The following CTNND2 variants were observed in gnomAD, a reference collection of about 807,000 sequenced individuals.
CTNND2 encodes the protein catenin delta 2.
CTNND2 carries 22 observed loss-of-function variants against 144.4 expected under a neutral mutation model. The observed-to-expected ratio is 0.15, with a 90% CI of 0.11 to 0.22. CTNND2 has a LOEUF of 0.22. CTNND2 is among the 10% of genes least tolerant of loss of function. The probability of loss-of-function intolerance (pLI) is 1.00; values close to 1 mark genes in which losing one functional copy is unlikely to be tolerated. For synonymous variants in CTNND2, 751 were observed against 695.6 expected, an observed-to-expected ratio of 1.08 and a Z score of -1.25; for missense variants, 1,353 against 1,618.8, an observed-to-expected ratio of 0.84 and a Z score of 2.82.
At position 11,821,461 on chromosome 5, in the gene CTNND2, C is replaced by A. The variant is rs58981828; in HGVS notation, c.37+82356G>T. ...GGGAGAATTCTTTCAACATTTCTGT[C>A]GCTTTAAGGGTTTCATAATAAAATG... On this transcript the variant is annotated intron_variant, in intron 1 of 21. Transcript: ENST00000304623. Among the ~76,000 whole-genome samples, 1,350 of 151,990 alleles carry A rather than the reference C, an allele frequency of 8.9e-3. 14 individuals are homozygous for A. Among genetic ancestry groups the A allele is most frequent in the African/African-American group, 0.031 (1,268 of 41,470 alleles).
intron 3 of CTNND2, among the ~76,000 whole-genome samples, chr5:11,461,500 G>A (rs141606625): frequency 3.7e-4 from 56 of 152,322 alleles, no homozygotes; most frequent in African/African-American, 1.3e-3. Flanking sequence ...AACTAGTAGA[G>A]TTTCATGAAC....
intron 1 of CTNND2, among the ~76,000 whole-genome samples, chr5:11,798,465 T>C (rs1040243418): frequency 2.0e-5 from 3 of 151,930 alleles, no homozygotes; most frequent in African/African-American, 7.2e-5. Flanking sequence ...TTAATGTCAT[T>C]TTCTACAAAA....
chr5:11,354,772 C>T (rs990884759), intron 8 of CTNND2, among the ~76,000 whole-genome samples: 24 of 152,286 alleles, frequency 1.6e-4, no homozygotes, highest in Non-Finnish European at 2.2e-4. Flanking sequence ...ATTTATAGAA[C>T]ATTCCATCCA....
chr5:10,982,977 G>C (rs894903828), intron 20 of CTNND2, among the ~76,000 whole-genome samples: 4 of 152,236 alleles, frequency 2.6e-5, no homozygotes, highest in African/African-American at 9.6e-5. Context: ...AAGATGGACA[G>C]TAGAATGATG....
intron 9 of CTNND2, among the ~76,000 whole-genome samples, chr5:11,287,010 T>G (rs953666777): frequency 6.6e-6 from 1 of 152,146 alleles, no homozygotes; most frequent in Non-Finnish European, 1.5e-5. Context: ...GAATGAAATC[T>G]ACATATACAC....
intron 9 of CTNND2, among the ~76,000 whole-genome samples, chr5:11,283,705 AAGAG>A (rs1554020548): frequency 2.1e-3 from 264 of 123,322 alleles, no homozygotes; most frequent in African/African-American, 4.3e-3. Context: ...AAAAAAAAAA[AAGAG>A]AGAGACATGG....
chr5:11,828,703 G>A (rs1793732068), intron 1 of CTNND2, among the ~76,000 whole-genome samples: 1 of 152,094 alleles, frequency 6.6e-6, no homozygotes, highest in African/African-American at 2.4e-5. Context: ...AAATTACCCA[G>A]TCTCACATAT....
intron 15 of CTNND2, among the ~76,000 whole-genome samples, chr5:11,090,027 G>C (rs1413451235): frequency 6.6e-6 from 1 of 152,104 alleles, no homozygotes; most frequent in African/African-American, 2.4e-5. Context: ...TAAATAGATA[G>C]ATAGATAAAT....
intron 12 of CTNND2, among the ~76,000 whole-genome samples, chr5:11,131,681 C>A (rs922574638): frequency 6.6e-6 from 1 of 151,874 alleles, no homozygotes; most frequent in Non-Finnish European, 1.5e-5. Flanking sequence ...CCCAGCTACT[C>A]GGGAGGCTGA....
intron 1 of CTNND2, among the ~76,000 whole-genome samples, chr5:11,766,706 G>T (rs1360901576): frequency 6.6e-6 from 1 of 152,146 alleles, no homozygotes; most frequent in Non-Finnish European, 1.5e-5. Context: ...GACCAGGGTG[G>T]TGCTGGGAGT....
chr5:11,271,812 G>A (rs1746045680), intron 9 of CTNND2, among the ~76,000 whole-genome samples: 1 of 152,156 alleles, frequency 6.6e-6, no homozygotes, highest in African/African-American at 2.4e-5. Flanking sequence ...ATGTCTGGGA[G>A]CGGGTGTGGG....
At chr5:11,899,910 G>A (rs1195757841) in intron 1 of CTNND2, among the ~76,000 whole-genome samples, 1 of 152,130 alleles carries the variant, frequency 6.6e-6, no homozygotes, top group African/African-American at 2.4e-5. Flanking sequence ...GAAGCAGAAT[G>A]CAAAACAGCA....
chr5:11,589,706 C>G lies in CTNND2; in HGVS notation c.175-24650G>C, dbSNP rs1342355646. Reference sequence around the variant, plus strand: ...TACCTGATTCTTTCTATTTTAGCCACAGCTTCCAAAAACATAAATTCGGCA... The same window carrying G: ...TACCTGATTCTTTCTATTTTAGCCAGAGCTTCCAAAAACATAAATTCGGCA... On this transcript the variant is annotated intron_variant, in intron 2 of 21. Transcript: ENST00000304623. Among the ~76,000 whole-genome samples the G allele has an allele frequency of 2.6e-5, 4 of 152,168 alleles. No individual in the cohort carries two copies. In the South Asian group the frequency reaches 8.3e-4, roughly 32 times the overall value.
At chr5:11,444,696 T>C (rs140878860) in intron 3 of CTNND2, among the ~76,000 whole-genome samples, 2,389 of 152,244 alleles carry the variant, frequency 0.016, 61 homozygotes, top group African/African-American at 0.054. Context: ...AGTGAGACTC[T>C]GTCTAAAAAA....
intron 2 of CTNND2, among the ~76,000 whole-genome samples, chr5:11,671,289 G>A (rs1348535319): frequency 1.7e-4 from 26 of 152,072 alleles, no homozygotes; most frequent in Admixed American, 1.7e-3. Flanking sequence ...TCTTTGTGGT[G>A]TTCTCTGTAT....
intron 3 of CTNND2, among the ~76,000 whole-genome samples, chr5:11,488,405 C>T (rs1769051796): frequency 6.6e-6 from 1 of 152,144 alleles, no homozygotes; most frequent in Admixed American, 6.5e-5. Flanking sequence ...TATCTAAATA[C>T]AGTTATTTCT....
chr5:11,660,341 T>C (rs1399525888), intron 2 of CTNND2, among the ~76,000 whole-genome samples: 1 of 152,166 alleles, frequency 6.6e-6, no homozygotes, highest in Non-Finnish European at 1.5e-5. Flanking sequence ...ATCAAAAGTG[T>C]TGAGCTTGCC....
At chr5:11,196,140 ACT>A (rs1045229855) in intron 11 of CTNND2, among the ~76,000 whole-genome samples, 23 of 152,188 alleles carry the variant, frequency 1.5e-4, no homozygotes, top group African/African-American at 5.5e-4. Flanking sequence ...ATAATTTAAA[ACT>A]CTGCAAGATC....
intron 2 of CTNND2, among the ~76,000 whole-genome samples, chr5:11,712,118 A>G (rs1379600636): frequency 6.6e-6 from 1 of 152,186 alleles, no homozygotes; most frequent in Non-Finnish European, 1.5e-5. Flanking sequence ...CATGTAGCAT[A>G]AGGTCAAGTC....
Sources: allele counts gnomAD v4.1 joint callset (sites outside exome capture counted in the v4.1 genomes callset), GRCh38; gene constraint gnomAD v4.1.1; transcripts MANE v1.5; gene names NCBI Gene and HGNC (gene_info 2026-07-23, HGNC 2026-07-21).